The following AHR variants were observed in gnomAD, a reference collection of about 807,000 sequenced individuals.
The protein encoded by AHR is aryl hydrocarbon receptor.
Under a neutral mutation model 86.8 loss-of-function variants are expected in AHR, and 40 were observed. The observed-to-expected ratio is 0.46, with a 90% CI of 0.36 to 0.60. The LOEUF (loss-of-function observed/expected upper bound fraction) is 0.60, where lower values mean the gene tolerates loss of function less well. Ranked by LOEUF, AHR falls within the 20% of genes least tolerant of loss-of-function variation. The probability of loss-of-function intolerance (pLI) is 0.00; values close to 1 mark genes in which losing one functional copy is unlikely to be tolerated. For missense variants in AHR, 1,001 were observed against 1,011.6 expected, an observed-to-expected ratio of 0.99 and a Z score of 0.14; for synonymous variants, 398 against 354.9, an observed-to-expected ratio of 1.12 and a Z score of -1.37.
At chr7:17,303,774 G>A (rs1358915350) in intron 1 of AHR, among the ~76,000 whole-genome samples, 1 of 151,936 alleles carries the variant, frequency 6.6e-6, no homozygotes, top group Non-Finnish European at 1.5e-5. Context: ...AGGGAATTTT[G>A]GGATAGAAAA....
At chr7:17,338,723 T>A (rs1261452384) in intron 9 of AHR, among the ~76,000 whole-genome samples, 1 of 152,158 alleles carries the variant, frequency 6.6e-6, no homozygotes, top group East Asian at 1.9e-4. Flanking sequence ...TTTTTTTCTT[T>A]TTTTGCAGGG....
chr7:17,317,955 G>A (rs182141466), intron 2 of AHR, among the ~76,000 whole-genome samples: 5 of 151,918 alleles, frequency 3.3e-5, no homozygotes, highest in East Asian at 1.9e-4. Context: ...AACTGAGTGC[G>A]TACCAATGAG....
intron 2 of AHR, among the ~76,000 whole-genome samples, chr7:17,318,676 G>A (rs1322723716): frequency 1.3e-5 from 2 of 152,040 alleles, no homozygotes; most frequent in Admixed American, 6.6e-5. Context: ...TGTTTCTGTG[G>A]ACTGTCATAA....
intron 6 of AHR, among the ~76,000 whole-genome samples, chr7:17,332,538 A>C (rs1351830753): frequency 1.3e-5 from 2 of 151,868 alleles, no homozygotes; most frequent in South Asian, 2.1e-4. Context: ...TTTGTGTCTT[A>C]GTTTTTAACA....
At position 17,335,804 on chromosome 7, in the gene AHR, T is replaced by G; in HGVS notation, c.1160+18T>G. Reference sequence around the variant, plus strand: ...CCACTAACGTAAGCACAAATAATGTTTCCTGTTTTAACAGTTTTGTTTTCA... The same window carrying G: ...CCACTAACGTAAGCACAAATAATGTGTCCTGTTTTAACAGTTTTGTTTTCA... On this transcript the variant is annotated intron_variant, in intron 9 of 10. Transcript: ENST00000242057. The G allele has an allele frequency of 1.2e-6, 2 of 1,605,188 alleles. No homozygotes were observed. The highest frequency in any genetic ancestry group is 1.7e-6 in the Non-Finnish European group (2 of 1,176,748).
intron 1 of AHR, among the ~76,000 whole-genome samples, chr7:17,302,913 G>A (rs1781968864): frequency 6.6e-6 from 1 of 151,670 alleles, no homozygotes; most frequent in South Asian, 2.1e-4. Flanking sequence ...CAATCAATTC[G>A]CCCGTGAAAC....
At chr7:17,309,192 T>A (rs547140900) in intron 1 of AHR, among the ~76,000 whole-genome samples, 1 of 152,184 alleles carries the variant, frequency 6.6e-6, no homozygotes, top group African/African-American at 2.4e-5. Context: ...CTAAATTGTT[T>A]AGGGTTCCGT....
intron 2 of AHR, among the ~76,000 whole-genome samples, chr7:17,319,482 T>A (rs1231943301): frequency 6.6e-6 from 1 of 152,116 alleles, no homozygotes; most frequent in African/African-American, 2.4e-5. Flanking sequence ...TCAATCTCCT[T>A]AAGTCTCACC....
Position 17,298,680 on chromosome 7 carries a change from G to C in AHR, c.-585G>C. 2.5e-6 allele frequency: 1 copy of C among 395,742 alleles called. No homozygotes were observed. The highest frequency in any genetic ancestry group is 4.5e-6 in the Non-Finnish European group (1 of 224,546). 24.5% of individuals were successfully genotyped at this position (395,742 alleles called of 1,614,324 possible). A position where few individuals can be genotyped will look rare whatever the true frequency, so the allele number is the denominator to read the frequency against. On this transcript the variant is annotated 5_prime_UTR_variant, in exon 1 of 11. Transcript: ENST00000242057. ...GGCTGGGGAGTCCCGTCGACGCTCT[G>C]TTCCGAGAGCGTGCCCCGGACCGCC...
chr7:17,341,477 C>T (rs1392085995), intron 10 of AHR, among the ~76,000 whole-genome samples: 1 of 152,124 alleles, frequency 6.6e-6, no homozygotes, highest in South Asian at 2.1e-4. Context: ...TTTCCCCTCA[C>T]TACTTTTCAC....
rs1343738113 is a variant in AHR at position 17,340,134 on chromosome 7, C to T, written c.2309C>T (p.Ser770Leu). The change falls in exon 10 of 11, where the codon TCG becomes TTG. Residue 770 changes from serine to leucine, a missense_variant. Around this residue, in one of 2 missense-constraint regions of AHR, gnomAD observed 607 missense variants for 543.1 expected, o/e 1.12. Transcript: ENST00000242057. Reference sequence around the variant, plus strand: ...CAGACATGTTATGCTGGGGCCGTGTCGATGTATCAGTGCCAGCCAGAACCT... The same window carrying T: ...CAGACATGTTATGCTGGGGCCGTGTTGATGTATCAGTGCCAGCCAGAACCT... ...TPQTCYAGAV[S>L]MYQCQPEPQH... 3 of 1,614,154 alleles carry T rather than the reference C, an allele frequency of 1.9e-6. No homozygotes were observed. The highest frequency in any genetic ancestry group is 2.2e-5 in the East Asian group (1 of 44,882).
chr7:17,302,489 A>G (rs1302755037), intron 1 of AHR, among the ~76,000 whole-genome samples: 1 of 152,014 alleles, frequency 6.6e-6, no homozygotes, highest in East Asian at 1.9e-4. Context: ...AATAGCATCT[A>G]AAATAAAAGA....
chr7:17,315,262 C>T (rs1380718117), intron 2 of AHR, among the ~76,000 whole-genome samples: 1 of 151,842 alleles, frequency 6.6e-6, no homozygotes, highest in Non-Finnish European at 1.5e-5. Flanking sequence ...TCAGATATCC[C>T]AATTTACAGT....
chr7:17,299,463 G>C, intron 1 of AHR, 134 bp downstream of exon 1: 2 of 969,488 alleles, frequency 2.1e-6, no homozygotes, highest in Middle Eastern at 2.2e-4. Flanking sequence ...CCGTGGAATC[G>C]AGGTTTGGAG....
chr7:17,305,760 A>G (rs1180189909), intron 1 of AHR, among the ~76,000 whole-genome samples: 1 of 152,206 alleles, frequency 6.6e-6, no homozygotes, highest in Non-Finnish European at 1.5e-5. Context: ...TATTATATAA[A>G]ACAGTTATAT....
chr7:17,339,006 A>G lies in AHR; in HGVS notation c.1181A>G (p.His394Arg). The change falls in exon 10 of 11, where the codon CAT becomes CGT. Residue 394 changes from histidine (H) to arginine (R), a missense_variant. Transcript: ENST00000242057. The part of the protein sequence containing the change: ...RPLTDEEGTE[H>R]LRKRNTKLPF... ...TTTAGAGATGAGGAAGGAACAGAGC[A>G]TTTACGAAAACGAAATACGAAGTTG... The G allele has an allele frequency of 1.2e-6, 2 of 1,613,762 alleles. No homozygotes were observed. Among genetic ancestry groups the G allele is most frequent in the Non-Finnish European group, 1.7e-6 (2 of 1,179,738 alleles).
At chr7:17,330,348 A>T (rs1298133897) in intron 5 of AHR, among the ~76,000 whole-genome samples, 1 of 151,960 alleles carries the variant, frequency 6.6e-6, no homozygotes, top group East Asian at 1.9e-4. Flanking sequence ...TTCATGAAAG[A>T]TGGAAGGAAG....
At chr7:17,318,334 G>A (rs1454780361) in intron 2 of AHR, among the ~76,000 whole-genome samples, 1 of 152,074 alleles carries the variant, frequency 6.6e-6, no homozygotes, top group Non-Finnish European at 1.5e-5. Context: ...TAGGAAACAT[G>A]GATATGGTTA....
In AHR at chr7:17,322,541, G is replaced by A; in HGVS notation, c.294G>A (p.Gln98=). 1 of 1,612,876 alleles carries A rather than the reference G, an allele frequency of 6.2e-7. No homozygotes were observed. Among genetic ancestry groups the A allele is most frequent in the Non-Finnish European group, 8.5e-7 (1 of 1,179,222 alleles). ...CCCCTACTGAAAGAAACGGAGGCCA[G>A]GATAACTGTAGAGCAGCAAATTTCA... ...KSSPTERNGG[Q]DNCRAANFRE... Residue 98 remains glutamine, a synonymous_variant, in exon 3 of 11, where the codon CAG becomes CAA. Transcript: ENST00000242057.
Sources: allele counts gnomAD v4.1 joint callset (sites outside exome capture counted in the v4.1 genomes callset), GRCh38; gene constraint gnomAD v4.1.1; regional missense constraint gnomAD v4.1.1; transcripts MANE v1.5; gene names NCBI Gene and HGNC (gene_info 2026-07-23, HGNC 2026-07-21).